The following SOBP variants were observed in gnomAD, a reference collection of about 807,000 sequenced individuals.
The protein encoded by SOBP is sine oculis binding protein homolog.
A neutral mutation model predicts 53.6 loss-of-function variants in SOBP; 4 were observed. That is an observed-to-expected ratio of 0.07 (90% CI 0.04 to 0.17). The LOEUF (loss-of-function observed/expected upper bound fraction) is 0.17. Ranked by LOEUF, SOBP falls within the 10% of genes least tolerant of loss-of-function variation. The pLI is 1.00. For synonymous variants in SOBP, 584 were observed against 522.6 expected (o/e 1.12, Z -1.60); for missense variants, 1,088 against 1,204.7 (o/e 0.90, Z 1.43).
intron 5 of SOBP, among the ~76,000 whole-genome samples, chr6:107,618,689 C>T (rs1331063558): frequency 6.6e-6 from 1 of 152,154 alleles, no homozygotes; most frequent in African/African-American, 2.4e-5. Flanking sequence ...TTTAAGTGCA[C>T]GTGAAGAGGC....
At chr6:107,501,136 G>A (rs1238235397) in intron 1 of SOBP, among the ~76,000 whole-genome samples, 1 of 152,206 alleles carries the variant, frequency 6.6e-6, no homozygotes, top group African/African-American at 2.4e-5. Context: ...TCATGGAATA[G>A]ATCAAGTTCA....
chr6:107,587,828 A>G (rs147340238), intron 5 of SOBP, among the ~76,000 whole-genome samples: 27 of 152,282 alleles, frequency 1.8e-4, no homozygotes, highest in Non-Finnish European at 1.5e-5. Context: ...AGGAATGCCT[A>G]TTATATTTCT....
intron 6 of SOBP, among the ~76,000 whole-genome samples, chr6:107,657,398 C>A (rs1489636671): frequency 6.6e-6 from 1 of 152,178 alleles, no homozygotes; most frequent in African/African-American, 2.4e-5. Flanking sequence ...TCCAGTGCTA[C>A]TGTTTGTTTT....
intron 5 of SOBP, among the ~76,000 whole-genome samples, chr6:107,629,873 T>C (rs968892527): frequency 2.0e-5 from 3 of 152,240 alleles, no homozygotes; most frequent in Non-Finnish European, 4.4e-5. Context: ...ATTTAATCTT[T>C]TTGAGGACTG....
chr6:107,573,603 A>G (rs2115041298), intron 4 of SOBP, among the ~76,000 whole-genome samples: 1 of 152,328 alleles, frequency 6.6e-6, no homozygotes, highest in East Asian at 1.9e-4. Context: ...GAGTGGCACC[A>G]CATGGCCCTC....
At position 107,490,403 on chromosome 6, in the gene SOBP, A is replaced by G. The variant is rs866012533; in HGVS notation, c.-214A>G. On this transcript the variant is annotated 5_prime_UTR_variant, in exon 1 of 7. Coordinates refer to ENST00000317357, the MANE Select transcript of SOBP (RefSeq NM_018013.4). ...CCCCGAGACTCTCCGCACTATCCTTACCCGTGACAGCCACTGACGTCCTCC... is the reference window on the plus strand; with the variant it reads ...CCCCGAGACTCTCCGCACTATCCTTGCCCGTGACAGCCACTGACGTCCTCC... The G allele has an allele frequency of 4.4e-4, 207 of 466,158 alleles. 1 individual carries two copies. Among genetic ancestry groups the G allele is most frequent in the African/African-American group, 3.7e-3 (180 of 48,444 alleles). 28.9% of individuals were successfully genotyped at this position (466,158 alleles called of 1,614,324 possible). A position where few individuals can be genotyped will look rare whatever the true frequency, so the allele number is the denominator to read the frequency against.
chr6:107,579,477 GCT>G (rs764059212), intron 4 of SOBP, among the ~76,000 whole-genome samples: 51 of 152,192 alleles, frequency 3.4e-4, no homozygotes, highest in Non-Finnish European at 3.1e-4. Context: ...TTAAGCAACT[GCT>G]CTGATTATTC....
chr6:107,566,574 C>A (rs1481014966), intron 4 of SOBP, among the ~76,000 whole-genome samples: 1 of 152,184 alleles, frequency 6.6e-6, no homozygotes, highest in Non-Finnish European at 1.5e-5. Context: ...CTCCTTCTCT[C>A]ACGGTGTCTC....
rs1393715697 is a variant in SOBP at position 107,522,531 on chromosome 6, T to TA, written c.422-10923dup. 3.5e-4 allele frequency among the ~76,000 whole-genome samples: 36 copies of TA among 103,424 alleles called. No homozygotes were observed. In the East Asian group the frequency reaches 7.7e-3, roughly 22 times the overall value. The allele number at this position is 103,424 out of a possible 152,430, so 67.9% of individuals were successfully genotyped here. A position where few individuals can be genotyped will look rare whatever the true frequency, so the allele number is the denominator to read the frequency against. On this transcript the variant is annotated intron_variant, in intron 3 of 6. Coordinates refer to ENST00000317357, the MANE Select transcript of SOBP (RefSeq NM_018013.4). ...AATGAATGAATGATTGGGTGTAGTA[T>TA]AAAAACTTTTTTTTTTTTTTTTTTT... is the stretch of plus-strand genomic sequence containing the variant.
chr6:107,583,534 T>C (rs1318553535), intron 4 of SOBP, among the ~76,000 whole-genome samples: 2 of 152,204 alleles, frequency 1.3e-5, no homozygotes, highest in Non-Finnish European at 2.9e-5. Context: ...TAAATCTTTT[T>C]TCTTTTTTTG....
intron 4 of SOBP, among the ~76,000 whole-genome samples, chr6:107,535,772 G>C (rs1213267967): frequency 6.6e-6 from 1 of 151,672 alleles, no homozygotes; most frequent in African/African-American, 2.4e-5. Flanking sequence ...CTGCATTTCT[G>C]TTAACTGATA....
chr6:107,593,216 CCT>C (rs1208251454), intron 5 of SOBP, among the ~76,000 whole-genome samples: 1 of 152,192 alleles, frequency 6.6e-6, no homozygotes, highest in East Asian at 1.9e-4. Context: ...CTCTATTTTA[CCT>C]CTCTTTGTAA....
intron 3 of SOBP, among the ~76,000 whole-genome samples, chr6:107,507,955 A>T (rs1783045729): frequency 6.6e-6 from 1 of 152,212 alleles, no homozygotes; most frequent in Non-Finnish European, 1.5e-5. Context: ...ACAGAGAAAG[A>T]AGTTAAATAA....
intron 4 of SOBP, among the ~76,000 whole-genome samples, chr6:107,583,441 A>T (rs9486650): frequency 0.094 from 14,278 of 152,226 alleles, 2,199 homozygotes; most frequent in African/African-American, 0.33. Flanking sequence ...TTCTTCCAAG[A>T]TTATTGGTCA....
chr6:107,535,751 A>T (rs901673225), intron 4 of SOBP, among the ~76,000 whole-genome samples: 1 of 152,082 alleles, frequency 6.6e-6, no homozygotes, highest in East Asian at 1.9e-4. Context: ...TACAATAAAC[A>T]TGTACAGCTG....
At chr6:107,499,191 TAGAA>T (rs1782773696) in intron 1 of SOBP, among the ~76,000 whole-genome samples, 1 of 152,178 alleles carries the variant, frequency 6.6e-6, no homozygotes, top group Admixed American at 6.5e-5. Context: ...GAATTTATAA[TAGAA>T]AGAGACCTGG....
At chr6:107,612,906 G>A (rs1304490219) in intron 5 of SOBP, among the ~76,000 whole-genome samples, 1 of 152,160 alleles carries the variant, frequency 6.6e-6, no homozygotes, top group Non-Finnish European at 1.5e-5. Flanking sequence ...ACATGTTTTA[G>A]TATATAGCAA....
chr6:107,554,085 C>T (rs544017656), intron 4 of SOBP, among the ~76,000 whole-genome samples: 17 of 152,180 alleles, frequency 1.1e-4, no homozygotes, highest in African/African-American at 2.9e-4. Flanking sequence ...TGAGGGACAG[C>T]GTGGCCAGAC....
Position 107,544,290 on chromosome 6 carries a change from T to C in SOBP, c.573+10680T>C, listed in dbSNP as rs1295380413. On this transcript the variant is annotated intron_variant, in intron 4 of 6. Transcript: ENST00000317357. ...CAGGTGGCCAAAGGAGTAGAAGTCTTGAAGACTGCAGCTTTCACCATTATT... is the reference window on the plus strand; with the variant it reads ...CAGGTGGCCAAAGGAGTAGAAGTCTCGAAGACTGCAGCTTTCACCATTATT... 3.9e-5 allele frequency among the ~76,000 whole-genome samples: 6 copies of C among 152,350 alleles called. 1 individual carries two copies. Among genetic ancestry groups the C allele is most frequent in the African/African-American group, 1.2e-4 (5 of 41,578 alleles).
Sources: allele counts gnomAD v4.1 joint callset (sites outside exome capture counted in the v4.1 genomes callset), GRCh38; gene constraint gnomAD v4.1.1; transcripts MANE v1.5; gene names NCBI Gene and HGNC (gene_info 2026-07-23, HGNC 2026-07-21).